Variants in FARP1 observed in about 807,000 individuals in gnomAD.
FARP1 encodes the protein FERM, ARHGEF and pleckstrin domain-containing protein 1.
A neutral mutation model predicts 128.8 loss-of-function variants in FARP1; 52 were observed. That is an observed-to-expected ratio of 0.40 (90% CI 0.32 to 0.51). The LOEUF (loss-of-function observed/expected upper bound fraction) is 0.51. FARP1 is among the 20% of genes least tolerant of loss of function. The pLI is 0.45. For missense variants in FARP1, 1,333 were observed against 1,367.9 expected, an observed-to-expected ratio of 0.97 and a Z score of 0.40; for synonymous variants, 580 against 551.8, an observed-to-expected ratio of 1.05 and a Z score of -0.72.
At chr13:98,439,837 C>T (rs1892449132) in intron 21 of FARP1, 124 bp from the exon 22 acceptor site, 2 of 683,200 alleles carry the variant, frequency 2.9e-6, no homozygotes, top group Admixed American at 2.5e-5. Flanking sequence ...CTCTGTGGGG[C>T]TCTGGGTCTC....
In FARP1 at chr13:98,193,837, G is replaced by A. The variant is rs139790554; in HGVS notation, c.-23-19383G>A. ...GATTGTGGCCTGATTTAGTCTTAAT[G>A]AAGCCATCTTAGCTTCTAGTGATCC... On this transcript the variant is annotated intron_variant, in intron 1 of 26. Coordinates refer to ENST00000319562, the MANE Select transcript of FARP1 (RefSeq NM_005766.4). Among the ~76,000 whole-genome samples the A allele has an allele frequency of 5.4e-4, 82 of 152,318 alleles. 4 individuals are homozygous for A. In the East Asian group the frequency reaches 0.016, roughly 29 times the overall value.
chr13:98,210,706 C>T lies in FARP1; in HGVS notation c.-23-2514C>T, dbSNP rs1412288542. ...CTGGGACTACAGGCGCCCGCCACCACGCCTGGCTAATTTTCTGTATTTTTA... is the reference window on the plus strand; with the variant it reads ...CTGGGACTACAGGCGCCCGCCACCATGCCTGGCTAATTTTCTGTATTTTTA... On this transcript the variant is annotated intron_variant, in intron 1 of 26. Coordinates refer to ENST00000319562, the MANE Select transcript of FARP1 (RefSeq NM_005766.4). 7.9e-5 allele frequency among the ~76,000 whole-genome samples: 12 copies of T among 152,078 alleles called. No homozygotes were observed. In the East Asian group the frequency reaches 1.7e-3, roughly 22 times the overall value.
At chr13:98,353,342 A>G (rs188026212) in intron 3 of FARP1, among the ~76,000 whole-genome samples, 1 of 152,294 alleles carries the variant, frequency 6.6e-6, no homozygotes, top group East Asian at 1.9e-4. Context: ...TTACCATCTA[A>G]TAATTCACTA....
chr13:98,246,983 T>C (rs1175548496), intron 2 of FARP1, among the ~76,000 whole-genome samples: 1 of 152,210 alleles, frequency 6.6e-6, no homozygotes, highest in African/African-American at 2.4e-5. Flanking sequence ...CCCAGCACTT[T>C]GGGAGGCCAA....
chr13:98,278,781 G>C (rs1249775839), intron 2 of FARP1, among the ~76,000 whole-genome samples: 1 of 151,932 alleles, frequency 6.6e-6, no homozygotes, highest in Non-Finnish European at 1.5e-5. Flanking sequence ...TTTGATACCT[G>C]CTGTGACGAG....
At chr13:98,294,242 AT>A (rs1404361576) in intron 2 of FARP1, among the ~76,000 whole-genome samples, 2 of 152,166 alleles carry the variant, frequency 1.3e-5, no homozygotes, top group East Asian at 1.9e-4. Context: ...TATTCTTGTT[AT>A]GATCACCAGT....
chr13:98,153,194 G>A (rs1336907665), intron 1 of FARP1, among the ~76,000 whole-genome samples: 3 of 149,412 alleles, frequency 2.0e-5, no homozygotes, highest in African/African-American at 7.4e-5. Flanking sequence ...TCAGGATATG[G>A]GGAAACCAGC....
rs1337917311 is a variant in FARP1 at position 98,379,073 on chromosome 13, G to GTAATATGTAATCTATATATAATATATATA, written c.496+1162_496+1190dup. Among the ~76,000 whole-genome samples the GTAATATGTAATCTATATATAATATATATA allele has an allele frequency of 2.1e-4, 11 of 52,134 alleles. 2 individuals are homozygous for GTAATATGTAATCTATATATAATATATATA. Among genetic ancestry groups the GTAATATGTAATCTATATATAATATATATA allele is most frequent in the Middle Eastern group, 7.6e-3 (1 of 132 alleles). 34.2% of individuals were successfully genotyped at this position (52,134 alleles called of 152,430 possible). A position where few individuals can be genotyped will look rare whatever the true frequency, so the allele number is the denominator to read the frequency against. Reference sequence around the variant, plus strand: ...AATCTATATATAATATATAATATATGTAATATGTAATCTATATATAATATA... The same window carrying GTAATATGTAATCTATATATAATATATATA: ...AATCTATATATAATATATAATATATGTAATATGTAATCTATATATAATATATATATAATATGTAATCTATATATAATATA... On this transcript the variant is annotated intron_variant, in intron 6 of 26. Transcript: ENST00000319562.
At chr13:98,201,439 A>T (rs1236084400) in intron 1 of FARP1, among the ~76,000 whole-genome samples, 1 of 152,206 alleles carries the variant, frequency 6.6e-6, no homozygotes, top group East Asian at 1.9e-4. Context: ...ACAGAGCGAG[A>T]CCCTGCCTCA....
chr13:98,315,104 C>A (rs1299551595), intron 2 of FARP1, among the ~76,000 whole-genome samples: 1 of 152,146 alleles, frequency 6.6e-6, no homozygotes, highest in Non-Finnish European at 1.5e-5. Context: ...CAATAACAAT[C>A]GACTGTGAGT....
intron 1 of FARP1, among the ~76,000 whole-genome samples, chr13:98,173,497 C>T (rs1305832760): frequency 1.3e-5 from 2 of 152,110 alleles, no homozygotes; most frequent in Non-Finnish European, 2.9e-5. Flanking sequence ...GAGGCATTTT[C>T]AGGATTTCAG....
At chr13:98,211,438 C>T (rs1472052669) in intron 1 of FARP1, among the ~76,000 whole-genome samples, 1 of 146,924 alleles carries the variant, frequency 6.8e-6, no homozygotes, top group Non-Finnish European at 1.6e-5. Context: ...CAACCATTGC[C>T]TCTACTTTGT....
At chr13:98,322,349 C>T (rs1887032735) in intron 2 of FARP1, among the ~76,000 whole-genome samples, 1 of 152,166 alleles carries the variant, frequency 6.6e-6, no homozygotes, top group Admixed American at 6.5e-5. Context: ...AGGAGAGAGT[C>T]AGCACCACCT....
chr13:98,312,475 T>G (rs544727018), intron 2 of FARP1, among the ~76,000 whole-genome samples: 1 of 152,312 alleles, frequency 6.6e-6, no homozygotes, highest in African/African-American at 2.4e-5. Context: ...TAGCTCAGTT[T>G]GCAAGGTGCA....
chr13:98,271,530 T>C (rs1391216132), intron 2 of FARP1, among the ~76,000 whole-genome samples: 1 of 152,170 alleles, frequency 6.6e-6, no homozygotes, highest in Non-Finnish European at 1.5e-5. Context: ...CCACATGCAT[T>C]AGGTATTTGT....
chr13:98,316,631 G>A (rs562361715), intron 2 of FARP1, among the ~76,000 whole-genome samples: 2 of 152,254 alleles, frequency 1.3e-5, no homozygotes, highest in South Asian at 4.2e-4. Context: ...CTTCATCCTT[G>A]CGTTGTAACA....
intron 5 of FARP1, among the ~76,000 whole-genome samples, chr13:98,376,356 T>C (rs1053901509): frequency 2.9e-4 from 44 of 152,212 alleles, no homozygotes; most frequent in African/African-American, 1.0e-3. Context: ...CTCCCAAAAA[T>C]AAGTGAGAAT....
At position 98,355,504 on chromosome 13, in the gene FARP1, ACTGGC is replaced by A. The variant is rs1810140983; in HGVS notation, c.277-9890_277-9886del. 2.0e-5 allele frequency among the ~76,000 whole-genome samples: 3 copies of A among 152,288 alleles called. No individual in the cohort carries two copies. The South Asian group carries it at 6.2e-4, about 32-fold the overall frequency. ...CAAGCAGCATCCACATCACCTGAGA[ACTGGC>A]TAGGAATGCACATTCTCAGGGCCGC... On this transcript the variant is annotated intron_variant, in intron 3 of 26. Coordinates refer to ENST00000319562, the MANE Select transcript of FARP1 (RefSeq NM_005766.4).
At chr13:98,216,141 CAG>C (rs1221418894) in intron 2 of FARP1, among the ~76,000 whole-genome samples, 1 of 152,172 alleles carries the variant, frequency 6.6e-6, no homozygotes, top group African/African-American at 2.4e-5. Flanking sequence ...CTCTGGGAAA[CAG>C]ATGTATTCCT....
Sources: allele counts gnomAD v4.1 joint callset (sites outside exome capture counted in the v4.1 genomes callset), GRCh38; gene constraint gnomAD v4.1.1; transcripts MANE v1.5; gene names NCBI Gene and HGNC (gene_info 2026-07-23, HGNC 2026-07-21).